The following SHTN1 variants were observed in gnomAD, a reference collection of about 807,000 sequenced individuals.
SHTN1 encodes shootin-1.
A neutral mutation model predicts 83.1 loss-of-function variants in SHTN1; 42 were observed. The observed-to-expected ratio is 0.51, with a 90% CI of 0.39 to 0.65. SHTN1 has a LOEUF of 0.65. SHTN1 is among the 30% of genes least tolerant of loss of function. The probability of loss-of-function intolerance (pLI) is 0.00; values close to 1 mark genes in which losing one functional copy is unlikely to be tolerated. For synonymous variants in SHTN1, 224 were observed against 247.7 expected, an observed-to-expected ratio of 0.90 and a Z score of 0.90; for missense variants, 622 against 737.8, an observed-to-expected ratio of 0.84 and a Z score of 1.82.
chr10:116,947,386 A>G (rs1006006530), intron 7 of SHTN1, among the ~76,000 whole-genome samples: 5 of 152,190 alleles, frequency 3.3e-5, no homozygotes, highest in African/African-American at 1.2e-4. Context: ...CTGCTCCACC[A>G]GGGCACTTCA....
intron 3 of SHTN1, among the ~76,000 whole-genome samples, chr10:116,963,973 G>GTTTTT (rs34054568): frequency 6.8e-6 from 1 of 146,180 alleles, no homozygotes; most frequent in African/African-American, 2.5e-5. Flanking sequence ...TAGGGTAACT[G>GTTTTT]TTTTTTTTTT....
At chr10:117,038,503 T>C (rs1852534808) in intron 2 of SHTN1, among the ~76,000 whole-genome samples, 1 of 80,746 alleles carries the variant, frequency 1.2e-5, no homozygotes, top group Admixed American at 1.3e-4. Context: ...TAAACTGGAC[T>C]GCATTAAAAA....
At chr10:116,897,722 G>A (rs1589783736) in intron 16 of SHTN1, among the ~76,000 whole-genome samples, 1 of 152,158 alleles carries the variant, frequency 6.6e-6, no homozygotes, top group Non-Finnish European at 1.5e-5. Context: ...AGGAAATTCA[G>A]TTATAGATTA....
At chr10:117,013,426 G>A (rs913910802) in intron 2 of SHTN1, among the ~76,000 whole-genome samples, 21 of 152,038 alleles carry the variant, frequency 1.4e-4, no homozygotes, top group African/African-American at 4.8e-4. Context: ...TGCCCACCTC[G>A]GCCTCCCAAA....
Position 116,881,842 on chromosome 10 carries a change from A to C in SHTN1, c.*4502T>G, listed in dbSNP as rs1847025847. 1 of 494,358 alleles carries C rather than the reference A, an allele frequency of 2.0e-6. No homozygotes were observed. The highest frequency in any genetic ancestry group is 2.0e-5 in the African/African-American group (1 of 50,296). The allele number at this position is 494,358 out of a possible 1,614,324, so 30.6% of individuals were successfully genotyped here. A position where few individuals can be genotyped will look rare whatever the true frequency, so the allele number is the denominator to read the frequency against. On this transcript the variant is annotated 3_prime_UTR_variant, in exon 17 of 17. Transcript: ENST00000355371. ...ATTACATATATGATGTTTTTGCCTGAAATTCTGTGAACTTCGTTTTGCAGC... is the reference window on the plus strand; with the variant it reads ...ATTACATATATGATGTTTTTGCCTGCAATTCTGTGAACTTCGTTTTGCAGC...
At chr10:117,100,752 G>T (rs529600508) in intron 1 of SHTN1, among the ~76,000 whole-genome samples, 1 of 152,300 alleles carries the variant, frequency 6.6e-6, no homozygotes, top group African/African-American at 2.4e-5. Flanking sequence ...GCTTTTTGAA[G>T]AAATGATACC....
chr10:116,894,288 G>T (rs1847438092), intron 16 of SHTN1, among the ~76,000 whole-genome samples: 1 of 152,048 alleles, frequency 6.6e-6, no homozygotes, highest in Non-Finnish European at 1.5e-5. Context: ...AAATAAAAAT[G>T]GTTTCACTGG....
chr10:116,904,769 T>C (rs1847893259), intron 15 of SHTN1, among the ~76,000 whole-genome samples: 1 of 152,192 alleles, frequency 6.6e-6, no homozygotes, highest in African/African-American at 2.4e-5. Context: ...GAAAACTAAC[T>C]CTGAAATGTG....
Position 117,066,150 on chromosome 10 carries a change from G to A in SHTN1, c.-188-17640C>T, listed in dbSNP as rs12221440. On this transcript the variant is annotated intron_variant, in intron 1 of 17. Coordinates refer to the SHTN1 transcript ENST00000392901. ...AAGATTCCATGTCTAACTAATAACA[G>A]GACCTATGGAGTTCTTGTTTACTTT... Among the ~76,000 whole-genome samples the A allele has an allele frequency of 8.1e-3, 1,226 of 152,214 alleles. 40 individuals are homozygous for A. The East Asian group carries it at 0.084, about 10-fold the overall frequency.
intron 11 of SHTN1, among the ~76,000 whole-genome samples, chr10:116,921,992 ACTCTCTCT>A (rs917350455): frequency 6.6e-6 from 1 of 152,116 alleles, no homozygotes; most frequent in African/African-American, 2.4e-5. Context: ...TATTTACATC[ACTCTCTCT>A]CTGGTCCATT....
At chr10:116,958,823 C>T (rs1353536141) in intron 4 of SHTN1, among the ~76,000 whole-genome samples, 2 of 152,194 alleles carry the variant, frequency 1.3e-5, no homozygotes, top group African/African-American at 4.8e-5. Context: ...ACAAAATTAA[C>T]TTGTCCAAAA....
At chr10:116,975,111 G>A (rs1850751996) in intron 2 of SHTN1, among the ~76,000 whole-genome samples, 1 of 152,060 alleles carries the variant, frequency 6.6e-6, no homozygotes, top group South Asian at 2.1e-4. Context: ...ATGGAAACTA[G>A]CAAGTAGCAC....
At chr10:116,957,387 G>T (rs535041001) in intron 4 of SHTN1, among the ~76,000 whole-genome samples, 5 of 150,310 alleles carry the variant, frequency 3.3e-5, no homozygotes, top group African/African-American at 1.2e-4. Context: ...CCGAGTAACT[G>T]CGATTACAGG....
chr10:117,066,627 C>T (rs190040387), intron 1 of SHTN1, among the ~76,000 whole-genome samples: 93 of 152,302 alleles, frequency 6.1e-4, no homozygotes, highest in African/African-American at 2.1e-3. Context: ...CCCTATACTA[C>T]CTTATTTCCA....
intron 1 of SHTN1, among the ~76,000 whole-genome samples, chr10:117,108,846 A>G (rs1427424046): frequency 6.6e-6 from 1 of 152,208 alleles, no homozygotes; most frequent in Non-Finnish European, 1.5e-5. Context: ...TAGGCCTTTT[A>G]TAGACCTGGG....
At chr10:117,118,122 A>G (rs1359495499) in intron 1 of SHTN1, among the ~76,000 whole-genome samples, 1 of 152,192 alleles carries the variant, frequency 6.6e-6, no homozygotes, top group Non-Finnish European at 1.5e-5. Flanking sequence ...ATGGGGGGAA[A>G]TATTTGGAAA....
chr10:116,890,214 G>A (rs1221857069), intron 16 of SHTN1, among the ~76,000 whole-genome samples: 1 of 152,108 alleles, frequency 6.6e-6, no homozygotes, highest in Non-Finnish European at 1.5e-5. Context: ...ACCACAATAA[G>A]GAATTAAAAG....
At chr10:116,969,596 T>C (rs1368105893) in intron 2 of SHTN1, among the ~76,000 whole-genome samples, 1 of 152,186 alleles carries the variant, frequency 6.6e-6, no homozygotes, top group Admixed American at 6.5e-5. Flanking sequence ...CACATATCAT[T>C]TATATAAACC....
Position 116,886,579 on chromosome 10 carries a change from G to A in SHTN1, c.1674-13C>T, listed in dbSNP as rs373921504. ...GCTACTGGGAGGCCTATGAGATGAA[G>A]AGTTAGACAAAAAAAGTAAAAAGCA... On this transcript the variant is annotated splice_polypyrimidine_tract_variant and intron_variant, in intron 16 of 16. Transcript: ENST00000355371. 6.2e-7 allele frequency: 1 copy of A among 1,600,508 alleles called. No homozygotes were observed. Among genetic ancestry groups the A allele is most frequent in the South Asian group, 1.1e-5 (1 of 90,312 alleles).
Sources: gnomAD v4.1 joint callset for allele counts (sites outside exome capture counted in the v4.1 genomes callset) on GRCh38, gnomAD v4.1.1 for gene constraint, MANE v1.5 for transcripts, NCBI Gene and HGNC (gene_info 2026-07-23, HGNC 2026-07-21) for gene names.